Variants in ITGB7 observed in about 807,000 individuals in gnomAD.
The protein encoded by ITGB7 is integrin subunit beta 7.
A neutral mutation model predicts 83.4 loss-of-function variants in ITGB7; 55 were observed. The ratio of observed to expected loss-of-function variants is 0.66; its 90% confidence interval spans 0.53 to 0.83. The LOEUF (loss-of-function observed/expected upper bound fraction) is 0.83, where lower values mean the gene tolerates loss of function less well. ITGB7 is among the 40% of genes least tolerant of loss of function. ITGB7 has a pLI of 0.00. For synonymous variants in ITGB7, 454 were observed against 423.6 expected, an observed-to-expected ratio of 1.07 and a Z score of -0.88; for missense variants, 921 against 1,046.7, an observed-to-expected ratio of 0.88 and a Z score of 1.66.
At chr12:53,191,707 C>T in intron 15 of ITGB7, 71 bp from the exon 16 acceptor site, 1 of 1,542,462 alleles carries the variant, frequency 6.5e-7, no homozygotes, top group Non-Finnish European at 9.0e-7. Context: ...ACCTAAGAGG[C>T]CAGCCTTGAG....
In ITGB7 at chr12:53,195,662, G is replaced by A. The variant is rs1192618561; in HGVS notation, c.1035C>T (p.Ile345=). The A allele has an allele frequency of 6.2e-7, 1 of 1,614,172 alleles. No individual in the cohort carries two copies. The highest frequency in any genetic ancestry group is 8.5e-7 in the Non-Finnish European group (1 of 1,180,016). The part of the protein sequence containing the change: ...QALSAANIQP[I]FAVTSAALPV... ...GCAGTGCGGCACTGGTGACAGCAAA[G>A]ATGGGCTGGATATTTGCTGCAGAGA... The change falls in exon 8 of 16, where the codon ATC becomes ATT. Residue 345 remains isoleucine (I), a synonymous_variant. Coordinates refer to ENST00000267082, the MANE Select transcript of ITGB7 (RefSeq NM_000889.3).
Position 53,196,659 on chromosome 12 carries a change from C to T in ITGB7, c.736G>A (p.Val246Met). The change falls in exon 6 of 16, where the codon GTG (valine) becomes ATG (methionine). Residue 246 changes from valine (V) to methionine (M), a missense_variant. By Grantham distance (21) the Val-to-Met change is conservative. Transcript: ENST00000267082. ...TTGCCGGACACACTCTGGCGCCCCA[C>T]CTCCCGCTCGAAGGCTTGTGCGTCC... Reference protein sequence around the residue: ...TGDAQAFEREVGRQSVSGNLD... With the variant: ...TGDAQAFEREMGRQSVSGNLD... 2 of 1,611,702 alleles carry T rather than the reference C, an allele frequency of 1.2e-6. No individual in the cohort carries two copies. Among genetic ancestry groups the T allele is most frequent in the Non-Finnish European group, 1.7e-6 (2 of 1,178,812 alleles).
chr12:53,203,526 T>C (rs1323456240), intron 1 of ITGB7, among the ~76,000 whole-genome samples: 1 of 151,446 alleles, frequency 6.6e-6, no homozygotes, highest in Non-Finnish European at 1.5e-5. Context: ...TACATGCCTG[T>C]AGCTCCAGCT....
intron 9 of ITGB7, 181 bp from the exon 10 acceptor site, chr12:53,194,525 A>G: frequency 1.7e-6 from 1 of 590,948 alleles, no homozygotes; most frequent in Non-Finnish European, 3.0e-6. Flanking sequence ...CTTGCATAGA[A>G]CATACAGGAT....
At chr12:53,197,209 G>A (rs1942194861) in intron 5 of ITGB7, 1 of 567,780 alleles carries the variant, frequency 1.8e-6, no homozygotes, top group African/African-American at 1.9e-5. Flanking sequence ...TTCCAGGTTG[G>A]TAGGCCCAGG....
At chr12:53,207,040 G>A (rs529609781) in intron 1 of ITGB7, among the ~76,000 whole-genome samples, 162 bp downstream of exon 1, 1 of 152,328 alleles carries the variant, frequency 6.6e-6, no homozygotes, top group South Asian at 2.1e-4. Flanking sequence ...GAGGGAACCA[G>A]GTCAGGGGAT....
At chr12:53,206,226 C>T (rs1942440416) in intron 1 of ITGB7, among the ~76,000 whole-genome samples, 1 of 152,152 alleles carries the variant, frequency 6.6e-6, no homozygotes. Flanking sequence ...ACTTCTATTG[C>T]ATCTCTCTGC....
At chr12:53,195,949 A>T in intron 7 of ITGB7, 92 bp downstream of exon 7, 1 of 1,438,896 alleles carries the variant, frequency 6.9e-7, no homozygotes, top group Non-Finnish European at 9.6e-7. Context: ...CAGGGTGGTT[A>T]CTGGTGAGGA....
chr12:53,194,104 C>T, intron 10 of ITGB7, 94 bp downstream of exon 10: 1 of 1,552,776 alleles, frequency 6.4e-7, no homozygotes. Flanking sequence ...TCTCATGTCA[C>T]TCCCTGTACC....
Position 53,196,663 on chromosome 12 carries a change from C to T in ITGB7, c.732G>A (p.Arg244=). 6.2e-7 allele frequency: 1 copy of T among 1,611,622 alleles called. No individual in the cohort carries two copies. The highest frequency in any genetic ancestry group is 1.7e-4 in the Middle Eastern group (1 of 6,060). Residue 244 remains arginine, a synonymous_variant, in exon 6 of 16, where the codon CGG becomes CGA. Transcript: ENST00000267082. ...SLTGDAQAFE[R]EVGRQSVSGN... ...CGGACACACTCTGGCGCCCCACCTC[C>T]CGCTCGAAGGCTTGTGCGTCCCCCG...
intron 5 of ITGB7, chr12:53,197,217 A>G (rs1248925948): frequency 1.6e-5 from 9 of 572,686 alleles, no homozygotes; most frequent in South Asian, 2.0e-5. Context: ...TGGTAGGCCC[A>G]GGGCAGCTGT....
At chr12:53,201,912 A>G (rs1283426452) in intron 1 of ITGB7, among the ~76,000 whole-genome samples, 1 of 152,208 alleles carries the variant, frequency 6.6e-6, no homozygotes, top group Admixed American at 6.5e-5. Context: ...TAAAAAGAAA[A>G]AAAGAAGACA....
chr12:53,205,366 T>G (rs1942417168), intron 1 of ITGB7, among the ~76,000 whole-genome samples: 2 of 151,700 alleles, frequency 1.3e-5, no homozygotes, highest in South Asian at 4.2e-4. Context: ...TTTTGTATTA[T>G]TTTGCAGAGA....
chr12:53,196,895 G>A, intron 5 of ITGB7, 75 bp from the exon 6 acceptor site: 2 of 1,518,500 alleles, frequency 1.3e-6, no homozygotes, highest in Non-Finnish European at 1.8e-6. Flanking sequence ...AGCGCTCTAT[G>A]GGAAGTGGGG....
In ITGB7 at chr12:53,192,806, C is replaced by T. The variant is rs1298703730; in HGVS notation, c.1831G>A (p.Gly611Arg). 2 of 1,614,228 alleles carry T rather than the reference C, an allele frequency of 1.2e-6. No homozygotes were observed. Among genetic ancestry groups the T allele is most frequent in the Admixed American group, 1.7e-5 (1 of 60,034 alleles). The change falls in exon 13 of 16, where the codon GGG (glycine) becomes AGG (arginine). Residue 611 changes from glycine to arginine, a missense_variant. Gly to Arg is a moderately radical substitution (Grantham distance 125, BLOSUM62 -2). Transcript: ENST00000267082. The part of the protein sequence containing the change: ...DMDSCISPEG[G>R]LCSGHGRCKC... ...CAGCGTCCATGCCCACTGCAGAGCC[C>T]TCCCTCGGGACTGATGCAACTGTCC...
intron 2 of ITGB7, 29 bp from the exon 3 acceptor site, chr12:53,200,475 G>A: frequency 1.3e-6 from 2 of 1,593,862 alleles, no homozygotes; most frequent in Non-Finnish European, 1.7e-6. Flanking sequence ...GGGGACATGT[G>A]GGTCCTCAGG....
Position 53,191,557 on chromosome 12 carries a change from C to T in ITGB7, c.2396G>A (p.Ter799=). 1 of 1,607,312 alleles carries T rather than the reference C, an allele frequency of 6.2e-7. No individual in the cohort carries two copies. Among genetic ancestry groups the T allele is most frequent in the East Asian group, 2.2e-5 (1 of 44,844 alleles). ...RFQEADSPTL[*] is the part of the protein sequence containing the mutation. ...CTTGGGTAAGTGTCCCTCCCTCCTT[C>T]AGAGAGTGGGACTGTCTGCCTCTTG... is the stretch of plus-strand genomic sequence containing the variant. Residue 799 remains the stop codon, a stop_retained_variant, in exon 16 of 16, where the codon TGA becomes TAA. Transcript: ENST00000267082.
At chr12:53,200,213 A>G (rs376413562) in intron 3 of ITGB7, 30 bp downstream of exon 3, 18 of 1,584,728 alleles carry the variant, frequency 1.1e-5, no homozygotes, top group Non-Finnish European at 1.5e-5. Context: ...ACACATACAC[A>G]TGGTTCAAAG....
intron 3 of ITGB7, among the ~76,000 whole-genome samples, chr12:53,199,154 C>G (rs777805193): frequency 2.6e-5 from 4 of 152,178 alleles, no homozygotes; most frequent in African/African-American, 4.8e-5. Flanking sequence ...CATCTCTTAT[C>G]TGGGCTCCCA....
Sources: gnomAD v4.1 joint callset for allele counts (sites outside exome capture counted in the v4.1 genomes callset) on GRCh38, gnomAD v4.1.1 for gene constraint, MANE v1.5 for transcripts, NCBI Gene and HGNC (gene_info 2026-07-23, HGNC 2026-07-21) for gene names.